Variants in STIM2 observed in about 807,000 individuals in gnomAD.
The protein encoded by STIM2 is stromal interaction molecule 2.
Under a neutral mutation model 85.8 loss-of-function variants are expected in STIM2, and 31 were observed. The observed-to-expected ratio is 0.36, with a 90% confidence interval of 0.27 to 0.49. STIM2 has a LOEUF of 0.49. Among genes scored for constraint, STIM2 ranks in the 20% least tolerant of loss-of-function variants. STIM2 has a pLI of 0.98. For synonymous variants in STIM2, 356 were observed against 331.1 expected, an observed-to-expected ratio of 1.08 and a Z score of -0.82; for missense variants, 841 against 927.6, an observed-to-expected ratio of 0.91 and a Z score of 1.21.
chr4:26,915,415 C>T lies in STIM2; in HGVS notation c.152-4089C>T, dbSNP rs575563283. Among the ~76,000 whole-genome samples, 12 of 151,952 alleles carry T rather than the reference C, an allele frequency of 7.9e-5. No individual in the cohort carries two copies. The East Asian group carries it at 1.6e-3, about 20-fold the overall frequency. ...ATGCCCGGCTAATTTTTGTATTTTT[C>T]GTAGGGATAGGGTTTTGCCATGTTG... is the stretch of plus-strand genomic sequence containing the variant. On this transcript the variant is annotated intron_variant, in intron 1 of 11. Coordinates refer to ENST00000467087, the MANE Select transcript of STIM2 (RefSeq NM_020860.4).
In STIM2 at chr4:26,883,004, A is replaced by ATTT. The variant is rs140871540; in HGVS notation, c.151+21649_151+21651dup. ...AGGCATGCGCCACCATACCTGGCTA[A>ATTT]TTTTTTTTTTTTTTTTGTATTTTTA... On this transcript the variant is annotated intron_variant, in intron 1 of 11. Coordinates refer to ENST00000467087, the MANE Select transcript of STIM2 (RefSeq NM_020860.4). Among the ~76,000 whole-genome samples, 10 of 139,292 alleles carry ATTT rather than the reference A, an allele frequency of 7.2e-5. No homozygotes were observed. In the East Asian group the frequency reaches 8.6e-4, roughly 12 times the overall value. 91.4% of individuals were successfully genotyped at this position (139,292 alleles called of 152,430 possible).
At chr4:26,992,325 C>T (rs1727796786) in intron 3 of STIM2, among the ~76,000 whole-genome samples, 1 of 151,966 alleles carries the variant, frequency 6.6e-6, no homozygotes, top group Non-Finnish European at 1.5e-5. Context: ...GAGCAGAAGA[C>T]TTATACTTTA....
chr4:26,957,934 C>T (rs1206986805), intron 3 of STIM2, among the ~76,000 whole-genome samples: 1 of 152,084 alleles, frequency 6.6e-6, no homozygotes, highest in Non-Finnish European at 1.5e-5. Flanking sequence ...AGGCTGTTCT[C>T]ATATAATTAT....
chr4:27,008,315 G>GT (rs1728439725), intron 8 of STIM2, 113 bp from the exon 9 acceptor site: 2 of 579,672 alleles, frequency 3.5e-6, no homozygotes, highest in East Asian at 6.2e-5. Context: ...TTCTCTACTG[G>GT]TTTTATGATT....
At chr4:27,010,497 A>G (rs573482623) in intron 10 of STIM2, among the ~76,000 whole-genome samples, 1 of 152,142 alleles carries the variant, frequency 6.6e-6, no homozygotes, top group Non-Finnish European at 1.5e-5. Context: ...CTAAAAAATA[A>G]CTCATGTCAA....
chr4:26,936,745 G>C (rs1246067949), intron 2 of STIM2, among the ~76,000 whole-genome samples: 1 of 152,162 alleles, frequency 6.6e-6, no homozygotes, highest in Non-Finnish European at 1.5e-5. Context: ...AAAAACTTCT[G>C]AAATCATTTC....
At chr4:26,919,452 TA>T in intron 1 of STIM2, 51 bp from the exon 2 acceptor site, 1 of 1,607,868 alleles carries the variant, frequency 6.2e-7, no homozygotes, top group Middle Eastern at 1.7e-4. Context: ...TCTCTAACTA[TA>T]GCCTTTGTTT....
At chr4:26,952,242 T>C (rs1726080684) in intron 2 of STIM2, among the ~76,000 whole-genome samples, 1 of 152,112 alleles carries the variant, frequency 6.6e-6, no homozygotes, top group East Asian at 1.9e-4. Context: ...AATAGTAACC[T>C]CTATCTCTAT....
intron 1 of STIM2, chr4:26,861,653 G>A (rs901266200): frequency 3.3e-6 from 1 of 299,306 alleles, no homozygotes; most frequent in Non-Finnish European, 5.9e-6. Context: ...TTTCTCTTTC[G>A]TGCTGCAGAA....
rs139927954 is a variant in STIM2, at chr4:26,981,381, A to G, written c.398-13998A>G. On this transcript the variant is annotated intron_variant, in intron 3 of 11. Coordinates refer to ENST00000467087, the MANE Select transcript of STIM2 (RefSeq NM_020860.4). ...ACTTTCTTGGAGAAAATCACAAGCT[A>G]CAAAGTAATGGAGAAGCTCGCAATT... 2.0e-5 allele frequency among the ~76,000 whole-genome samples: 3 copies of G among 152,376 alleles called. No homozygotes were observed. The East Asian group carries it at 5.8e-4, about 29-fold the overall frequency.
At chr4:26,912,141 C>G (rs1374220358) in intron 1 of STIM2, among the ~76,000 whole-genome samples, 2 of 152,044 alleles carry the variant, frequency 1.3e-5, no homozygotes, top group East Asian at 3.8e-4. Context: ...AGTGGAAGTA[C>G]TAAATACAAA....
intron 1 of STIM2, among the ~76,000 whole-genome samples, chr4:26,916,644 C>G (rs1047343430): frequency 3.9e-5 from 6 of 152,108 alleles, no homozygotes; most frequent in Non-Finnish European, 8.8e-5. Flanking sequence ...GAGATCTGGC[C>G]TTTTAGCAGT....
chr4:26,913,416 T>G (rs1228658569), intron 1 of STIM2, among the ~76,000 whole-genome samples: 3 of 152,182 alleles, frequency 2.0e-5, no homozygotes, highest in Non-Finnish European at 2.9e-5. Context: ...AAGCACTGTC[T>G]TAAATATTTT....
At chr4:26,970,628 T>A (rs1726910564) in intron 3 of STIM2, among the ~76,000 whole-genome samples, 1 of 152,224 alleles carries the variant, frequency 6.6e-6, no homozygotes, top group African/African-American at 2.4e-5. Flanking sequence ...CCACATTTTC[T>A]TAATTCAGTC....
intron 1 of STIM2, among the ~76,000 whole-genome samples, chr4:26,906,833 G>A (rs1418594424): frequency 6.6e-6 from 1 of 152,102 alleles, no homozygotes; most frequent in Admixed American, 6.5e-5. Context: ...TAGGCATGGT[G>A]GTGGGCACCT....
intron 3 of STIM2, among the ~76,000 whole-genome samples, chr4:26,983,522 A>G (rs1210918069): frequency 2.0e-5 from 3 of 152,236 alleles, no homozygotes; most frequent in African/African-American, 4.8e-5. Context: ...AAAATCATAT[A>G]TAATTGAAGA....
chr4:27,019,585 A>G, intron 11 of STIM2: 2 of 954,864 alleles, frequency 2.1e-6, no homozygotes, highest in South Asian at 2.8e-5. Context: ...TAAGAGAATG[A>G]TTTGAATTTG....
At chr4:26,861,961 G>A (rs1722225445) in intron 1 of STIM2, among the ~76,000 whole-genome samples, 1 of 152,130 alleles carries the variant, frequency 6.6e-6, no homozygotes, top group South Asian at 2.1e-4. Flanking sequence ...GAAGGAGGCC[G>A]TTTTAAGTGG....
intron 1 of STIM2, among the ~76,000 whole-genome samples, chr4:26,883,894 A>G (rs1413458311): frequency 6.6e-6 from 1 of 152,204 alleles, no homozygotes; most frequent in Admixed American, 6.5e-5. Context: ...TTTTCATATT[A>G]TATAGCCATG....
Sources: gnomAD v4.1 joint callset for allele counts (sites outside exome capture counted in the v4.1 genomes callset) on GRCh38, gnomAD v4.1.1 for gene constraint, MANE v1.5 for transcripts, NCBI Gene and HGNC (gene_info 2026-07-23, HGNC 2026-07-21) for gene names.